CCNE1: variants seen among roughly 807,000 people sequenced by gnomAD.
CCNE1 encodes cyclin E1, also known as G1/S-specific cyclin-E1.
A neutral mutation model predicts 54.1 loss-of-function variants in CCNE1; 8 were observed. That is an observed-to-expected ratio of 0.15 (90% CI 0.09 to 0.27). The LOEUF is 0.27. CCNE1 is among the 10% of genes least tolerant of loss of function. The pLI, the probability that CCNE1 is intolerant of heterozygous loss-of-function variation, is 1.00. For synonymous variants in CCNE1, 179 were observed against 185.2 expected (o/e 0.97, Z 0.27); for missense variants, 430 against 514.9 (o/e 0.84, Z 1.60).
At chr19:29,812,859 G>T (rs1973927300) in intron 3 of CCNE1, 83 bp downstream of exon 3, 2 of 1,583,764 alleles carry the variant, frequency 1.3e-6, no homozygotes, top group South Asian at 1.1e-5. Flanking sequence ...GGGGGCGGGG[G>T]TCCCTTGGGC....
At chr19:29,821,889 G>T in intron 8 of CCNE1, 72 bp downstream of exon 8, 2 of 1,496,806 alleles carry the variant, frequency 1.3e-6, no homozygotes, top group East Asian at 4.5e-5. Flanking sequence ...AAGTGTGAGT[G>T]CCTCTGGGAG....
Position 29,812,586 on chromosome 19 carries a change from C to G in CCNE1, c.23+8C>G. ...GAGGGAGCGCAGGGAGCGGTGAGTG[C>G]CCGCGCCGCGGGGCCGGACGGGACG... On this transcript the variant is annotated splice_region_variant and intron_variant, in intron 2 of 11. Transcript: ENST00000262643. The G allele has an allele frequency of 2.0e-6, 3 of 1,523,840 alleles. No individual in the cohort carries two copies. The highest frequency in any genetic ancestry group is 2.6e-6 in the Non-Finnish European group (3 of 1,138,334). The allele number at this position is 1,523,840 out of a possible 1,614,324, so 94.4% of individuals were successfully genotyped here.
chr19:29,822,535 C>G lies in CCNE1; in HGVS notation c.1042C>G (p.His348Asp), dbSNP rs1392404768. ...IRETGSSKLK[H>D]FRGVADEDAH... ...GGAGACGGGGAGCTCAAAACTGAAG[C>G]ACTTCAGGGGCGTCGCTGATGAAGA... is the stretch of plus-strand genomic sequence containing the variant. The change falls in exon 11 of 12, where the codon CAC becomes GAC. Residue 348 changes from histidine to aspartate, a missense_variant. His to Asp is a moderately conservative substitution (Grantham distance 81, BLOSUM62 -1). Coordinates refer to ENST00000262643, the MANE Select transcript of CCNE1 (RefSeq NM_001238.4). 6.2e-7 allele frequency: 1 copy of G among 1,614,114 alleles called. No individual in the cohort carries two copies. The highest frequency in any genetic ancestry group is 1.1e-5 in the South Asian group (1 of 91,070).
chr19:29,822,224 CT>C lies in CCNE1; in HGVS notation c.841-12del. The C allele has an allele frequency of 6.2e-7, 1 of 1,612,426 alleles. No individual in the cohort carries two copies. The highest frequency in any genetic ancestry group is 8.5e-7 in the Non-Finnish European group (1 of 1,178,830). Reference sequence around the variant, plus strand: ...GTGTGGTGGCATCCATCTCAGCGTTCTTTTCTTCTCCGTAGCTGTTGGATCT... The same window carrying C: ...GTGTGGTGGCATCCATCTCAGCGTTCTTTCTTCTCCGTAGCTGTTGGATCT... On this transcript the variant is annotated splice_polypyrimidine_tract_variant and intron_variant, in intron 9 of 11. Transcript: ENST00000262643.
chr19:29,813,859 C>T (rs1339006238), intron 4 of CCNE1, among the ~76,000 whole-genome samples: 3 of 152,172 alleles, frequency 2.0e-5, no homozygotes. Context: ...CAGCCTATCT[C>T]TAAACTAGCT....
intron 7 of CCNE1, 90 bp downstream of exon 7, chr19:29,820,938 G>A (rs1389764890): frequency 1.0e-6 from 1 of 977,726 alleles, no homozygotes; most frequent in Admixed American, 2.5e-5. Flanking sequence ...TTAGCCTATA[G>A]CACTCATCCT....
intron 4 of CCNE1, chr19:29,813,436 G>T: frequency 5.4e-6 from 1 of 185,002 alleles, no homozygotes; most frequent in Non-Finnish European, 1.1e-5. Context: ...GGTGAACTGG[G>T]GGAGGGTTCC....
chr19:29,820,935 A>T (rs79047446), intron 7 of CCNE1, 87 bp downstream of exon 7: 104 of 1,005,756 alleles, frequency 1.0e-4, no homozygotes, highest in Non-Finnish European at 1.3e-4. Flanking sequence ...CGCTTAGCCT[A>T]TAGCACTCAT....
intron 2 of CCNE1, 25 bp from the exon 3 acceptor site, chr19:29,812,664 G>T: frequency 6.4e-7 from 1 of 1,571,330 alleles, no homozygotes; most frequent in Middle Eastern, 1.8e-4. Flanking sequence ...GTGCTCACCC[G>T]GCCCGGTGCC....
intron 1 of CCNE1, 30 bp from the exon 2 acceptor site, chr19:29,812,486 CCCGCGGCCTGACCCCG>C (rs1035487888): frequency 2.3e-5 from 28 of 1,226,772 alleles, no homozygotes; most frequent in Non-Finnish European, 2.9e-5. Flanking sequence ...GGGTACTGGG[CCCGCGGCCTGACCCCG>C]CCGCCGCCTC....
At chr19:29,819,892 G>T (rs1482535824) in intron 6 of CCNE1, among the ~76,000 whole-genome samples, 1 of 152,140 alleles carries the variant, frequency 6.6e-6, no homozygotes, top group Admixed American at 6.6e-5. Context: ...CATCCTCGGG[G>T]GTACATCCCA....
chr19:29,819,253 T>A (rs970723493), intron 6 of CCNE1, among the ~76,000 whole-genome samples: 1 of 151,726 alleles, frequency 6.6e-6, no homozygotes. Context: ...ATTTTTTTTT[T>A]AAGCATATTT....
rs3218033 is a variant in CCNE1 at position 29,814,234 on chromosome 19, A to G, written c.180+1197A>G. Among the ~76,000 whole-genome samples, 26 of 151,784 alleles carry G rather than the reference A, an allele frequency of 1.7e-4. No individual in the cohort carries two copies. In the South Asian group the frequency reaches 5.0e-3, roughly 29 times the overall value. Reference sequence around the variant, plus strand: ...TTCAAATCAAGCAAGTTGATTTTTTAGGTATTATAAAATGAATTCTGACTT... The same window carrying G: ...TTCAAATCAAGCAAGTTGATTTTTTGGGTATTATAAAATGAATTCTGACTT... On this transcript the variant is annotated intron_variant, in intron 4 of 11. Coordinates refer to ENST00000262643, the MANE Select transcript of CCNE1 (RefSeq NM_001238.4).
chr19:29,817,098 C>T (rs1228436516), intron 4 of CCNE1, 39 bp from the exon 5 acceptor site: 4 of 1,600,050 alleles, frequency 2.5e-6, no homozygotes, highest in Non-Finnish European at 3.4e-6. Flanking sequence ...GAGCTGTTTG[C>T]ATCTTATCTC....
chr19:29,818,277 T>G (rs996468139), intron 6 of CCNE1, among the ~76,000 whole-genome samples: 2 of 152,200 alleles, frequency 1.3e-5, no homozygotes, highest in East Asian at 3.9e-4. Context: ...TTGCCCGCCT[T>G]GGCCTCCCAA....
chr19:29,820,647 TC>T (rs397826246), intron 6 of CCNE1, 54 bp from the exon 7 acceptor site: 6 of 1,265,604 alleles, frequency 4.7e-6, no homozygotes, highest in Admixed American at 2.3e-5. Context: ...TTTTTTTTTT[TC>T]CCCTCCCTCA....
chr19:29,812,191 G>C (rs1225889600), intron 1 of CCNE1, 39 bp downstream of exon 1: 1 of 151,816 alleles, frequency 6.6e-6, no homozygotes, highest in South Asian at 1.8e-4. Flanking sequence ...GGGACTCCTG[G>C]GGCCCAGACC....
chr19:29,812,023 AG>A lies in CCNE1; in HGVS notation c.-149del, dbSNP rs1031840347. ...GCCGGCGCGGCCGCCAGCGCGGTGT[AG>A]GGGGCAGGCGCGGATCCCGCCACCG... On this transcript the variant is annotated 5_prime_UTR_variant, in exon 1 of 12. Transcript: ENST00000262643. 1 of 145,978 alleles carries A rather than the reference AG, an allele frequency of 6.9e-6. No homozygotes were observed. The highest frequency in any genetic ancestry group is 1.5e-5 in the Non-Finnish European group (1 of 65,616). The allele number at this position is 145,978 out of a possible 1,614,324, so 9.0% of individuals were successfully genotyped here.
At chr19:29,813,122 G>A in intron 4 of CCNE1, 85 bp downstream of exon 4, 1 of 1,262,166 alleles carries the variant, frequency 7.9e-7, no homozygotes, top group South Asian at 1.2e-5. Flanking sequence ...TCTCTTGCTG[G>A]AGACACTCTG....
Sources: allele counts gnomAD v4.1 joint callset (sites outside exome capture counted in the v4.1 genomes callset), GRCh38; gene constraint gnomAD v4.1.1; transcripts MANE v1.5; gene names NCBI Gene and HGNC (gene_info 2026-07-23, HGNC 2026-07-21).